Variants in RMDN2 observed in about 807,000 individuals in gnomAD.
The protein encoded by RMDN2 is regulator of microtubule dynamics protein 2.
RMDN2 carries 61 observed loss-of-function variants against 52.8 expected under a neutral mutation model. The ratio of observed to expected loss-of-function variants is 1.16; its 90% CI spans 0.94 to 1.43. The LOEUF (loss-of-function observed/expected upper bound fraction) is 1.43, where lower values mean the gene tolerates loss of function less well. Ranked by LOEUF, RMDN2 falls within the 40% of genes most tolerant of loss-of-function variation. The probability of loss-of-function intolerance (pLI) is 0.00; values close to 1 mark genes in which losing one functional copy is unlikely to be tolerated. For synonymous variants in RMDN2, 180 were observed against 153.1 expected, an observed-to-expected ratio of 1.18 and a Z score of -1.30; for missense variants, 592 against 475.3, an observed-to-expected ratio of 1.25 and a Z score of -2.28.
intron 10 of RMDN2, among the ~76,000 whole-genome samples, chr2:38,065,985 G>A (rs796279262): frequency 4.6e-5 from 7 of 152,206 alleles, no homozygotes; most frequent in African/African-American, 1.4e-4. Context: ...AGGATCTTAT[G>A]GCCTAAAAAA....
Position 38,024,049 on chromosome 2 carries a change from C to T in RMDN2, c.1713+19833C>T, listed in dbSNP as rs56787438. On this transcript the variant is annotated intron_variant, in intron 10 of 10. Transcript: ENST00000234195. ...AAGTAGAATTATGTGTTATACACCC[C>T]TTTGTCTGACTTCTTTCCCTCAGCA... Among the ~76,000 whole-genome samples, 1,205 of 152,200 alleles carry T rather than the reference C, an allele frequency of 7.9e-3. 16 individuals carry two copies. The highest frequency in any genetic ancestry group is 0.025 in the African/African-American group (1,020 of 41,536).
chr2:38,040,089 A>T (rs1680863347), intron 10 of RMDN2, among the ~76,000 whole-genome samples: 1 of 100,324 alleles, frequency 1.0e-5, no homozygotes, highest in African/African-American at 3.1e-5. Context: ...ATTATTTTGC[A>T]TATGGACATC....
intron 7 of RMDN2, among the ~76,000 whole-genome samples, chr2:37,996,019 C>T (rs1675486064): frequency 6.6e-6 from 1 of 152,124 alleles, no homozygotes; most frequent in Non-Finnish European, 1.5e-5. Context: ...TTAAATTTGA[C>T]TGTTTGCCTG....
chr2:38,067,034 G>T, exon 11 of RMDN2: 1 of 1,606,364 alleles, frequency 6.2e-7, no homozygotes, highest in East Asian at 2.2e-5. Context: ...CCTGTCATCT[G>T]TGAGTGTGGC....
chr2:37,993,227 G>A (rs1385266572), intron 7 of RMDN2, among the ~76,000 whole-genome samples: 1 of 152,026 alleles, frequency 6.6e-6, no homozygotes, highest in Non-Finnish European at 1.5e-5. Flanking sequence ...ACCTGGCCCA[G>A]GCAGTTTACT....
rs569533048 is a variant in RMDN2, at chr2:38,035,212, C to T, written c.1713+30996C>T. ...TAGAAGGTGTACTGGAAGGTAATGC[C>T]TCATTTACCCTGAGTAAAACAAGAT... On this transcript the variant is annotated intron_variant, in intron 10 of 10. Coordinates refer to the RMDN2 transcript ENST00000234195. Among the ~76,000 whole-genome samples, 17 of 152,190 alleles carry T rather than the reference C, an allele frequency of 1.1e-4. No homozygotes were observed. The South Asian group carries it at 3.5e-3, about 32-fold the overall frequency.
chr2:38,045,296 C>T (rs1681204143), intron 10 of RMDN2, among the ~76,000 whole-genome samples: 1 of 152,104 alleles, frequency 6.6e-6, no homozygotes, highest in South Asian at 2.1e-4. Context: ...ACAGTCGAAC[C>T]AGTTTTGCAT....
intron 2 of RMDN2, chr2:37,950,569 T>G (rs1484221540): frequency 6.2e-7 from 1 of 1,613,092 alleles, no homozygotes; most frequent in African/African-American, 1.3e-5. Flanking sequence ...TACTTTGGAT[T>G]AAATTTACAA....
At chr2:38,050,602 A>G (rs1681533009) in intron 10 of RMDN2, among the ~76,000 whole-genome samples, 1 of 152,176 alleles carries the variant, frequency 6.6e-6, no homozygotes, top group Non-Finnish European at 1.5e-5. Flanking sequence ...TTCAGTTTCC[A>G]ATAGAGCTCC....
intron 2 of RMDN2, among the ~76,000 whole-genome samples, chr2:37,965,898 A>G (rs141811107): frequency 1.3e-5 from 2 of 152,126 alleles, no homozygotes; most frequent in Non-Finnish European, 2.9e-5. Context: ...CTCAGGTAAC[A>G]GGTTTCTCTT....
chr2:37,957,222 G>A (rs1669594942), intron 2 of RMDN2, among the ~76,000 whole-genome samples: 1 of 152,198 alleles, frequency 6.6e-6, no homozygotes, highest in Non-Finnish European at 1.5e-5. Context: ...GATCCTTGAG[G>A]AATTGCCACA....
intron 10 of RMDN2, chr2:38,026,977 A>C (rs1019199146): frequency 9.2e-5 from 14 of 152,108 alleles, no homozygotes; most frequent in Admixed American, 9.2e-4. Context: ...TTTCTAATTT[A>C]ATGCCATCAT....
chr2:37,945,721 C>G (rs539387290), intron 2 of RMDN2, among the ~76,000 whole-genome samples: 1 of 152,266 alleles, frequency 6.6e-6, no homozygotes, highest in Non-Finnish European at 1.5e-5. Context: ...TATTTATTAT[C>G]TCATTTAATA....
At chr2:37,977,602 A>T (rs1175339834) in intron 4 of RMDN2, among the ~76,000 whole-genome samples, 15 of 147,082 alleles carry the variant, frequency 1.0e-4, no homozygotes, top group African/African-American at 3.8e-4. Context: ...CTCACTTCTC[A>T]GACCGGGCGG....
At chr2:38,016,585 T>G (rs992556384) in intron 10 of RMDN2, among the ~76,000 whole-genome samples, 1 of 152,114 alleles carries the variant, frequency 6.6e-6, no homozygotes, top group African/African-American at 2.4e-5. Context: ...AATGAGACAA[T>G]GCACATGGAG....
In RMDN2 at chr2:37,961,882, G is replaced by A. The variant is rs139310169; in HGVS notation, c.453-12158G>A. Among the ~76,000 whole-genome samples, 581 of 152,246 alleles carry A rather than the reference G, an allele frequency of 3.8e-3. 2 individuals are homozygous for A. Among genetic ancestry groups the A allele is most frequent in the Non-Finnish European group, 6.6e-3 (451 of 68,006 alleles). On this transcript the variant is annotated intron_variant, in intron 2 of 10. Coordinates refer to ENST00000354545, the MANE Select transcript of RMDN2 (RefSeq NM_001170791.3). ...ACCTTAGGATGGGTTTTGCGTGGGC[G>A]TCCTTTTTGTTGATTTTGATGTTTT...
At chr2:38,064,505 G>C (rs1350723952) in intron 10 of RMDN2, among the ~76,000 whole-genome samples, 1 of 151,646 alleles carries the variant, frequency 6.6e-6, no homozygotes. Context: ...AAAAAAGAAA[G>C]AAAGAAACAG....
intron 2 of RMDN2, among the ~76,000 whole-genome samples, chr2:37,934,158 G>A (rs1465998830): frequency 1.3e-5 from 2 of 152,112 alleles, no homozygotes; most frequent in Non-Finnish European, 2.9e-5. Context: ...ATGGATATCA[G>A]CCACAATTTT....
At chr2:38,027,022 C>CT (rs1353917663) in intron 10 of RMDN2, 1 of 152,090 alleles carries the variant, frequency 6.6e-6, no homozygotes, top group African/African-American at 2.4e-5. Flanking sequence ...TCTGTTCAAA[C>CT]TTGTTGAGAC....
Sources: gnomAD v4.1 joint callset for allele counts (sites outside exome capture counted in the v4.1 genomes callset) on GRCh38, gnomAD v4.1.1 for gene constraint, MANE v1.5 for transcripts, NCBI Gene and HGNC (gene_info 2026-07-23, HGNC 2026-07-21) for gene names.